Variants in LINGO2 observed in about 807,000 individuals in gnomAD.
LINGO2 encodes the protein leucine rich repeat and Ig domain containing 2.
Under a neutral mutation model 30.6 loss-of-function variants are expected in LINGO2, and 14 were observed. The ratio of observed to expected loss-of-function variants is 0.46; its 90% CI spans 0.30 to 0.72. The LOEUF (loss-of-function observed/expected upper bound fraction) is 0.72, where lower values mean the gene tolerates loss of function less well. Among genes scored for constraint, LINGO2 ranks in the 30% least tolerant of loss-of-function variants. LINGO2 has a pLI of 0.07. For missense variants in LINGO2, 729 were observed against 751.7 expected, an observed-to-expected ratio of 0.97 and a Z score of 0.35; for synonymous variants, 317 against 288.5, an observed-to-expected ratio of 1.10 and a Z score of -1.00.
intron 1 of LINGO2, among the ~76,000 whole-genome samples, chr9:28,591,223 G>A (rs1824891608): frequency 6.6e-6 from 1 of 151,892 alleles, no homozygotes; most frequent in Non-Finnish European, 1.5e-5. Flanking sequence ...ATGACTTAAT[G>A]GGTGCAGCAC....
At chr9:28,020,703 T>C (rs1262430924) in intron 4 of LINGO2, among the ~76,000 whole-genome samples, 1 of 152,226 alleles carries the variant, frequency 6.6e-6, no homozygotes, top group African/African-American at 2.4e-5. Context: ...AGGTAATTAT[T>C]GATTCAACAT....
chr9:28,572,347 G>C (rs1301068435), intron 1 of LINGO2, among the ~76,000 whole-genome samples: 1 of 152,084 alleles, frequency 6.6e-6, no homozygotes. Flanking sequence ...ATTGAGGCAT[G>C]AAGATTTCCT....
the LINGO2 span, among the ~76,000 whole-genome samples, chr9:29,107,154 G>A: frequency 6.6e-6 from 1 of 151,970 alleles, no homozygotes; most frequent in Non-Finnish European, 1.5e-5. Flanking sequence ...TTCAGAACAA[G>A]GATCTCTGAG....
At chr9:28,267,003 C>T (rs1382837511) in intron 4 of LINGO2, among the ~76,000 whole-genome samples, 2 of 152,002 alleles carry the variant, frequency 1.3e-5, no homozygotes, top group Non-Finnish European at 2.9e-5. Context: ...CTTTGTTACT[C>T]ATGGTTCCAG....
intron 3 of LINGO2, among the ~76,000 whole-genome samples, chr9:28,321,022 T>C (rs1231081814): frequency 6.6e-6 from 1 of 151,960 alleles, no homozygotes; most frequent in Non-Finnish European, 1.5e-5. Context: ...TTTAATCACA[T>C]TTCTTAGGAT....
chr9:29,136,871 G>A, the LINGO2 span, among the ~76,000 whole-genome samples: 2 of 152,016 alleles, frequency 1.3e-5, no homozygotes, highest in African/African-American at 4.8e-5. Flanking sequence ...AAACTCAAAT[G>A]TACTGTACTG....
At chr9:28,872,410 G>C in the LINGO2 span, among the ~76,000 whole-genome samples, 1 of 151,908 alleles carries the variant, frequency 6.6e-6, no homozygotes, top group Admixed American at 6.6e-5. Flanking sequence ...AGATTCACAA[G>C]CAGGAAACAA....
In LINGO2 at chr9:28,305,958, T is replaced by C. The variant is rs577369321; in HGVS notation, c.-245-10592A>G. 2.0e-4 allele frequency among the ~76,000 whole-genome samples: 31 copies of C among 152,192 alleles called. 1 individual carries two copies. The highest frequency in any genetic ancestry group is 6.7e-4 in the African/African-American group (28 of 41,570). On this transcript the variant is annotated intron_variant, in intron 3 of 5. Transcript: ENST00000379992. ...ATTTAAAAGATCTCTCTCTAAATCA[T>C]AGAAAACTCAGAGTATATGAAGTAT...
intron 1 of LINGO2, among the ~76,000 whole-genome samples, chr9:28,577,472 T>C (rs1824046376): frequency 6.6e-6 from 1 of 152,002 alleles, no homozygotes; most frequent in South Asian, 2.1e-4. Context: ...GCAGCAACCA[T>C]TCCCTAACCC....
chr9:29,081,276 C>T, the LINGO2 span, among the ~76,000 whole-genome samples: 10 of 152,204 alleles, frequency 6.6e-5, no homozygotes, highest in East Asian at 1.5e-3. Flanking sequence ...GCTGGTTCAA[C>T]ATACACAAAT....
chr9:29,192,914 G>A, the LINGO2 span, among the ~76,000 whole-genome samples: 1 of 152,180 alleles, frequency 6.6e-6, no homozygotes, highest in Non-Finnish European at 1.5e-5. Context: ...ACTATGCGGT[G>A]CCCCATTACA....
chr9:28,848,072 A>ATATACACTATATATAGTGTATATATAT, the LINGO2 span, among the ~76,000 whole-genome samples: 1 of 47,900 alleles, frequency 2.1e-5, no homozygotes, highest in African/African-American at 1.1e-4. Flanking sequence ...TGTATATAAT[A>ATATACACTATATATAGTGTATATATAT]TATATATACA....
chr9:29,128,114 A>G, the LINGO2 span, among the ~76,000 whole-genome samples: 1 of 152,146 alleles, frequency 6.6e-6, no homozygotes, highest in African/African-American at 2.4e-5. Flanking sequence ...GGACAAAAGA[A>G]AAGCTCCTAG....
At chr9:28,439,249 G>A (rs534752635) in intron 2 of LINGO2, among the ~76,000 whole-genome samples, 5 of 150,862 alleles carry the variant, frequency 3.3e-5, no homozygotes, top group African/African-American at 1.2e-4. Flanking sequence ...ATATATGTGT[G>A]TGTGTATATG....
chr9:28,602,537 G>A (rs1050668602), intron 1 of LINGO2, among the ~76,000 whole-genome samples: 1 of 151,944 alleles, frequency 6.6e-6, no homozygotes, highest in Non-Finnish European at 1.5e-5. Context: ...ACATCAAAGT[G>A]AGTGATTATT....
chr9:28,730,518 G>A, the LINGO2 span, among the ~76,000 whole-genome samples: 1 of 152,286 alleles, frequency 6.6e-6, no homozygotes, highest in Admixed American at 6.5e-5. Flanking sequence ...GAGAAGCAAA[G>A]CTACAGAATG....
the LINGO2 span, among the ~76,000 whole-genome samples, chr9:28,928,460 G>A: frequency 1.3e-5 from 2 of 151,964 alleles, no homozygotes; most frequent in Non-Finnish European, 2.9e-5. Context: ...GAACTGTGTA[G>A]GTCCACTTAT....
intron 1 of LINGO2, among the ~76,000 whole-genome samples, chr9:28,616,305 G>A (rs954642314): frequency 1.3e-5 from 2 of 152,096 alleles, no homozygotes; most frequent in Admixed American, 1.3e-4. Flanking sequence ...TTTTATACTT[G>A]TATATGCATG....
intron 1 of LINGO2, among the ~76,000 whole-genome samples, chr9:28,606,638 G>T (rs1312892431): frequency 6.6e-6 from 1 of 151,970 alleles, no homozygotes; most frequent in Non-Finnish European, 1.5e-5. Context: ...GGTAAAATTT[G>T]TTACTCTTAA....
Sources: gnomAD v4.1 joint callset for allele counts (sites outside exome capture counted in the v4.1 genomes callset) on GRCh38, gnomAD v4.1.1 for gene constraint, MANE v1.5 for transcripts, NCBI Gene and HGNC (gene_info 2026-07-23, HGNC 2026-07-21) for gene names.